The following MTMR2 variants were observed in gnomAD, a reference collection of about 807,000 sequenced individuals.
The protein encoded by MTMR2 is myotubularin related protein 2, also known as phosphatidylinositol-3,5-bisphosphate 3-phosphatase MTMR2.
Under a neutral mutation model 86.9 loss-of-function variants are expected in MTMR2, and 55 were observed. The observed-to-expected ratio is 0.63, with a 90% CI of 0.51 to 0.79. MTMR2 has a LOEUF of 0.79. Ranked by LOEUF, MTMR2 falls within the 30% of genes least tolerant of loss-of-function variation. The pLI, the probability that MTMR2 is intolerant of heterozygous loss-of-function variation, is 0.00. For missense variants in MTMR2, 659 were observed against 772.3 expected (o/e 0.85, Z 1.74); for synonymous variants, 241 against 266.8 (o/e 0.90, Z 0.94).
intron 2 of MTMR2, among the ~76,000 whole-genome samples, chr11:95,874,379 G>T (rs1180830442): frequency 1.3e-5 from 2 of 152,030 alleles, no homozygotes; most frequent in Non-Finnish European, 2.9e-5. Flanking sequence ...GATCTTTGTT[G>T]GTTTAAAGTC....
chr11:95,864,827 C>T (rs1242057042), intron 3 of MTMR2, among the ~76,000 whole-genome samples: 1 of 151,734 alleles, frequency 6.6e-6, no homozygotes, highest in Non-Finnish European at 1.5e-5. Flanking sequence ...AGAAATGACA[C>T]CTAGCCAAGT....
intron 8 of MTMR2, 118 bp from the exon 9 acceptor site, chr11:95,849,980 A>ACATC: frequency 1.1e-6 from 1 of 943,492 alleles, no homozygotes; most frequent in Non-Finnish European, 1.6e-6. Flanking sequence ...CCATGAAAGG[A>ACATC]CATCTGAGGC....
intron 1 of MTMR2, among the ~76,000 whole-genome samples, chr11:95,894,622 T>A: frequency 6.6e-6 from 1 of 152,176 alleles, no homozygotes; most frequent in East Asian, 1.9e-4. Flanking sequence ...ATTCCCACTA[T>A]GGAAGCATGT....
intron 13 of MTMR2, among the ~76,000 whole-genome samples, chr11:95,837,006 A>T (rs1053692678): frequency 1.3e-5 from 2 of 152,032 alleles, no homozygotes; most frequent in African/African-American, 2.4e-5. Context: ...TTATCAATTT[A>T]AAAAGTTTTT....
Position 95,914,317 on chromosome 11 carries a change from A to T in MTMR2, c.80+9558T>A, listed in dbSNP as rs78295755. The T allele has an allele frequency of 1.2e-4, 121 of 976,364 alleles. 2 individuals carry two copies. The East Asian group carries it at 0.013, about 109-fold the overall frequency. 60.5% of individuals were successfully genotyped at this position (976,364 alleles called of 1,614,324 possible). On this transcript the variant is annotated intron_variant, in intron 1 of 14. Transcript: ENST00000346299. The stretch of plus-strand genomic sequence containing the variant: ...CAATGGCTCTTAACACATTAACTGT[A>T]AATAAACACAAAGGAACTTAGGGGA...
At chr11:95,899,875 AT>A (rs763717347) in intron 1 of MTMR2, among the ~76,000 whole-genome samples, 4 of 152,160 alleles carry the variant, frequency 2.6e-5, no homozygotes, top group Non-Finnish European at 4.4e-5. Context: ...TGTTCCGTGA[AT>A]AAACCTCGAT....
intron 13 of MTMR2, 124 bp from the exon 14 acceptor site, chr11:95,836,448 T>G: frequency 1.1e-6 from 1 of 911,534 alleles, no homozygotes; most frequent in Admixed American, 1.9e-5. Flanking sequence ...CTTGGAGACT[T>G]CAGTGATAAA....
At chr11:95,910,058 T>C (rs1278715924) in intron 1 of MTMR2, among the ~76,000 whole-genome samples, 17 of 151,632 alleles carry the variant, frequency 1.1e-4, no homozygotes, top group Non-Finnish European at 2.2e-4. Context: ...AATCACATAA[T>C]ACAAAGCACA....
Position 95,841,625 on chromosome 11 carries a change from T to C in MTMR2, c.1471A>G (p.Thr491Ala). ...TAGGCCAGATAAATTACCTGTCTTG[T>C]CATCTGCCAGACACAGTCAATAAAT... ...LQFIDCVWQM[T>A]RQFPTAFEFN... The change falls in exon 12 of 15, where the codon ACA becomes GCA. Residue 491 changes from threonine to alanine, a missense_variant. This residue lies in a region of MTMR2 where 193 missense variants were observed against 191.6 expected (regional missense o/e 1.01). Transcript: ENST00000346299. The C allele has an allele frequency of 6.2e-7, 1 of 1,610,078 alleles. No individual in the cohort carries two copies. The highest frequency in any genetic ancestry group is 1.1e-5 in the South Asian group (1 of 91,010).
At chr11:95,902,986 A>G (rs541018412) in intron 1 of MTMR2, among the ~76,000 whole-genome samples, 5 of 152,270 alleles carry the variant, frequency 3.3e-5, no homozygotes, top group Admixed American at 2.6e-4. Context: ...CAGGCTTACC[A>G]TAATTCTTTC....
rs543474566 is a variant in MTMR2, at chr11:95,865,437, T to C, written c.262+164A>G. On this transcript the variant is annotated intron_variant, in intron 3 of 14. Coordinates refer to ENST00000346299, the MANE Select transcript of MTMR2 (RefSeq NM_016156.6). ...CAAACACTAGCAGCGGGTCTAGGCT[T>C]ACGTTTGTAGAACACACTAAGATGC... The C allele has an allele frequency of 1.5e-4, 111 of 717,800 alleles. No individual in the cohort carries two copies. In the African/African-American group the frequency reaches 1.7e-3, roughly 11 times the overall value. The allele number at this position is 717,800 out of a possible 1,614,324, so 44.5% of individuals were successfully genotyped here.
intron 2 of MTMR2, among the ~76,000 whole-genome samples, chr11:95,866,741 A>C (rs1864632034): frequency 6.7e-6 from 1 of 149,340 alleles, no homozygotes; most frequent in Non-Finnish European, 1.5e-5. Context: ...AGAAGAAGGA[A>C]AGAAGAGAGG....
At chr11:95,850,199 AT>A (rs1319250225) in intron 8 of MTMR2, among the ~76,000 whole-genome samples, 23 of 148,734 alleles carry the variant, frequency 1.5e-4, no homozygotes, top group Admixed American at 1.0e-3. Context: ...GAATCTATGA[AT>A]TTTGTACCTA....
intron 2 of MTMR2, chr11:95,866,253 T>C (rs1270212549): frequency 6.3e-6 from 1 of 159,134 alleles, no homozygotes; most frequent in Admixed American, 6.0e-5. Context: ...TGAAGGATGC[T>C]ACACTATATT....
chr11:95,901,147 T>C (rs554451669), intron 1 of MTMR2, among the ~76,000 whole-genome samples: 34 of 152,312 alleles, frequency 2.2e-4, no homozygotes, highest in African/African-American at 7.9e-4. Context: ...CTCTGAAATA[T>C]CATGAATTCC....
chr11:95,871,925 AG>A (rs1457031879), intron 2 of MTMR2, among the ~76,000 whole-genome samples: 1 of 152,176 alleles, frequency 6.6e-6, no homozygotes, highest in Non-Finnish European at 1.5e-5. Flanking sequence ...GGTGTAAGGA[AG>A]GGATCCAGTT....
chr11:95,870,898 C>T (rs1000980466), intron 2 of MTMR2, among the ~76,000 whole-genome samples: 3 of 151,900 alleles, frequency 2.0e-5, no homozygotes, highest in Non-Finnish European at 4.4e-5. Context: ...TCCCCCACCC[C>T]ACAACAGGCC....
At chr11:95,849,650 A>C in intron 9 of MTMR2, 24 bp downstream of exon 9, 2 of 1,607,502 alleles carry the variant, frequency 1.2e-6, no homozygotes, top group Non-Finnish European at 1.7e-6. Context: ...AACCATAATT[A>C]TAATTACTAA....
intron 1 of MTMR2, chr11:95,912,805 T>C (rs1866558892): frequency 6.6e-6 from 1 of 152,038 alleles, no homozygotes; most frequent in Non-Finnish European, 1.5e-5. Flanking sequence ...AGATTCTGTA[T>C]GAAGCAAATA....
Sources: gnomAD v4.1 joint callset for allele counts (sites outside exome capture counted in the v4.1 genomes callset) on GRCh38, gnomAD v4.1.1 for gene constraint, gnomAD v4.1.1 regional missense constraint, MANE v1.5 for transcripts, NCBI Gene and HGNC (gene_info 2026-07-23, HGNC 2026-07-21) for gene names.